LUZP2: variants seen among roughly 807,000 people sequenced by gnomAD.
LUZP2 encodes the protein leucine zipper protein 2.
A neutral mutation model predicts 51.6 loss-of-function variants in LUZP2; 52 were observed. That is an observed-to-expected ratio of 1.01 (90% CI 0.81 to 1.27). LUZP2 has a LOEUF of 1.27. Ranked by LOEUF, LUZP2 falls within the 50% of genes most tolerant of loss-of-function variation. The pLI is 0.00. For missense variants in LUZP2, 436 were observed against 395.4 expected, an observed-to-expected ratio of 1.10 and a Z score of -0.87; for synonymous variants, 154 against 137.3, an observed-to-expected ratio of 1.12 and a Z score of -0.85.
At chr11:24,876,922 G>A (rs1852288122) in intron 5 of LUZP2, among the ~76,000 whole-genome samples, 1 of 152,116 alleles carries the variant, frequency 6.6e-6, no homozygotes, top group South Asian at 2.1e-4. Context: ...CAAATGAGAA[G>A]GGGTCTGGTT....
At chr11:25,043,962 G>T in intron 9 of LUZP2, among the ~76,000 whole-genome samples, 1 of 93,294 alleles carries the variant, frequency 1.1e-5, no homozygotes, top group Non-Finnish European at 2.2e-5. Context: ...TATATATATA[G>T]TCCATATATA....
At chr11:24,934,280 A>G (rs1340333666) in intron 7 of LUZP2, among the ~76,000 whole-genome samples, 1 of 152,188 alleles carries the variant, frequency 6.6e-6, no homozygotes, top group African/African-American at 2.4e-5. Flanking sequence ...CCTGACACAT[A>G]CATCCAAAGT....
chr11:24,896,627 G>GC lies in LUZP2; in HGVS notation c.397-9359dup, dbSNP rs146290019. 7.6e-3 allele frequency among the ~76,000 whole-genome samples: 1,161 copies of GC among 152,252 alleles called. 16 individuals carry two copies. The highest frequency in any genetic ancestry group is 0.055 in the East Asian group (281 of 5,136). On this transcript the variant is annotated intron_variant, in intron 5 of 11. Transcript: ENST00000336930. ...GGCCCCAGCCTCCCTGACAGGCGCTGCCCCCTGCTCCCCGGTGCCTGGTCC... is the reference window on the plus strand; with the variant it reads ...GGCCCCAGCCTCCCTGACAGGCGCTGCCCCCCTGCTCCCCGGTGCCTGGTCC...
chr11:24,604,836 ATACCCAC>A (rs1412943590), intron 1 of LUZP2, among the ~76,000 whole-genome samples: 2 of 151,828 alleles, frequency 1.3e-5, no homozygotes, highest in Non-Finnish European at 2.9e-5. Flanking sequence ...TATTCTCCAA[ATACCCAC>A]TATGATTTGG....
chr11:25,051,077 G>C (rs940145972), intron 10 of LUZP2, among the ~76,000 whole-genome samples: 1 of 152,156 alleles, frequency 6.6e-6, no homozygotes, highest in Non-Finnish European at 1.5e-5. Context: ...ATGCTTGAAA[G>C]AAATCAGGCT....
intron 1 of LUZP2, among the ~76,000 whole-genome samples, chr11:24,675,932 C>A (rs530828863): frequency 1.3e-5 from 2 of 151,956 alleles, no homozygotes; most frequent in Admixed American, 6.6e-5. Flanking sequence ...GATTCTCATG[C>A]CTCAGCTTCC....
intron 4 of LUZP2, among the ~76,000 whole-genome samples, chr11:24,752,472 A>G (rs1286400480): frequency 6.6e-6 from 1 of 152,224 alleles, no homozygotes; most frequent in Non-Finnish European, 1.5e-5. Context: ...AACAGAATAA[A>G]CAGCAGACTG....
intron 7 of LUZP2, among the ~76,000 whole-genome samples, chr11:24,922,897 G>A (rs1051205635): frequency 4.9e-4 from 64 of 130,932 alleles, no homozygotes; most frequent in African/African-American, 1.6e-3. Context: ...TGCCCAGGCT[G>A]GAGTGCAGTG....
intron 10 of LUZP2, among the ~76,000 whole-genome samples, chr11:25,065,262 C>T (rs962433229): frequency 6.6e-6 from 1 of 152,036 alleles, no homozygotes; most frequent in Non-Finnish European, 1.5e-5. Context: ...TCACCTGGTA[C>T]ATCTTTATTA....
chr11:24,682,953 G>A (rs995709027), intron 1 of LUZP2, among the ~76,000 whole-genome samples: 5 of 152,080 alleles, frequency 3.3e-5, no homozygotes, highest in African/African-American at 7.2e-5. Flanking sequence ...GCAGTGAGCC[G>A]AGATCAGCTT....
chr11:24,630,673 C>CTATTTT (rs375008402), intron 1 of LUZP2, among the ~76,000 whole-genome samples: 1 of 131,662 alleles, frequency 7.6e-6, no homozygotes, highest in African/African-American at 2.8e-5. Flanking sequence ...GCTATTCCGA[C>CTATTTT]TTTTTTTTTT....
At chr11:24,773,504 C>T (rs1048661270) in intron 5 of LUZP2, among the ~76,000 whole-genome samples, 4 of 152,146 alleles carry the variant, frequency 2.6e-5, no homozygotes, top group Non-Finnish European at 5.9e-5. Flanking sequence ...ATAATCATAA[C>T]AGTGTTTACT....
At chr11:24,740,441 A>C (rs889278322) in intron 4 of LUZP2, among the ~76,000 whole-genome samples, 5 of 152,094 alleles carry the variant, frequency 3.3e-5, no homozygotes, top group African/African-American at 1.2e-4. Flanking sequence ...CTGGATCTTG[A>C]GGGAAGCTTT....
At chr11:24,547,884 C>T (rs1210505829) in intron 1 of LUZP2, among the ~76,000 whole-genome samples, 4 of 150,728 alleles carry the variant, frequency 2.7e-5, no homozygotes. Flanking sequence ...GAAACTACCT[C>T]ATTAAAAAAT....
rs189008440 is a variant in LUZP2, at chr11:24,669,150, A to C, written c.63-60019A>C. Among the ~76,000 whole-genome samples the C allele has an allele frequency of 6.3e-4, 96 of 152,294 alleles. 1 individual carries two copies. In the South Asian group the frequency reaches 0.015, roughly 24 times the overall value. On this transcript the variant is annotated intron_variant, in intron 1 of 11. Coordinates refer to ENST00000336930, the MANE Select transcript of LUZP2 (RefSeq NM_001009909.4). ...TAACTACCTTTGTGACATTGGAAAAATGTTCTTTTTACTTTAACTTTCTCA... is the reference window on the plus strand; with the variant it reads ...TAACTACCTTTGTGACATTGGAAAACTGTTCTTTTTACTTTAACTTTCTCA...
At chr11:24,606,025 T>A (rs907433184) in intron 1 of LUZP2, among the ~76,000 whole-genome samples, 16 of 151,914 alleles carry the variant, frequency 1.1e-4, no homozygotes, top group Non-Finnish European at 2.9e-5. Context: ...TTGTCACAAA[T>A]GACAGAATCT....
At chr11:24,830,394 T>TCTCCTAATATAAAATATTA in intron 5 of LUZP2, among the ~76,000 whole-genome samples, 1 of 152,152 alleles carries the variant, frequency 6.6e-6, no homozygotes, top group African/African-American at 2.4e-5. Context: ...GTCCATATGT[T>TCTCCTAATATAAAATATTA]GTAATTGGCT....
chr11:24,795,883 C>T (rs1361906121), intron 5 of LUZP2, among the ~76,000 whole-genome samples: 1 of 152,054 alleles, frequency 6.6e-6, no homozygotes, highest in African/African-American at 2.4e-5. Context: ...ATAGAGAGCA[C>T]TGGTGTGTAG....
intron 1 of LUZP2, among the ~76,000 whole-genome samples, chr11:24,567,149 A>G (rs1166403209): frequency 2.0e-5 from 3 of 151,356 alleles, no homozygotes; most frequent in African/African-American, 7.3e-5. Flanking sequence ...CCAAAAAATT[A>G]ATTTTTAAGA....
Sources: allele counts gnomAD v4.1 joint callset (sites outside exome capture counted in the v4.1 genomes callset), GRCh38; gene constraint gnomAD v4.1.1; transcripts MANE v1.5; gene names NCBI Gene and HGNC (gene_info 2026-07-23, HGNC 2026-07-21).